ATG4A: variants seen among roughly 807,000 people sequenced by gnomAD.
ATG4A encodes the protein autophagy related 4A cysteine peptidase.
In ATG4A, 22 loss-of-function variants were observed where a neutral mutation model predicts 38.4. The ratio of observed to expected loss-of-function variants is 0.57; its 90% CI spans 0.41 to 0.82. The LOEUF (loss-of-function observed/expected upper bound fraction) is 0.82. Among genes scored for constraint, ATG4A ranks in the 40% least tolerant of loss-of-function variants. The pLI is 0.00. For synonymous variants in ATG4A, 86 were observed against 100.7 expected (o/e 0.85, Z 0.88); for missense variants, 220 against 290.0 (o/e 0.76, Z 1.75).
At chrX:108,150,770 T>A (rs1262383892) in intron 10 of ATG4A, among the ~76,000 whole-genome samples, 1 of 112,116 alleles carries the variant, frequency 8.9e-6, no homozygotes, top group Non-Finnish European at 1.9e-5. Context: ...GATTCAGTTA[T>A]CTCTACCTGG....
intron 9 of ATG4A, among the ~76,000 whole-genome samples, chrX:108,140,558 C>T (rs776721723): frequency 2.9e-5 from 3 of 104,950 alleles, no homozygotes; most frequent in Non-Finnish European, 3.9e-5. Context: ...TATACACACA[C>T]ACACACACAC....
intron 9 of ATG4A, among the ~76,000 whole-genome samples, chrX:108,141,071 CATATATATATAT>C (rs139918190): frequency 4.6e-4 from 16 of 35,051 alleles, no homozygotes; most frequent in South Asian, 1.6e-3. Flanking sequence ...TATATATATA[CATATATATATAT>C]ATATATATAT....
rs2032501024 is a variant in ATG4A, at chrX:108,116,029, A to G, written c.11-10048A>G. On this transcript the variant is annotated intron_variant, in intron 1 of 12. Coordinates refer to ENST00000372232, the MANE Select transcript of ATG4A (RefSeq NM_052936.5). ...GTGTCTGCTACATACGGTGCACATC[A>G]GGGATGAGGAGCCCTTTAATTGCAA... Among the ~76,000 whole-genome samples, 8 of 112,184 alleles carry G rather than the reference A, an allele frequency of 7.1e-5. No homozygotes were observed. The South Asian group carries it at 3.0e-3, about 42-fold the overall frequency.
chrX:108,131,142 C>T (rs991885381), intron 3 of ATG4A, 118 bp from the exon 4 acceptor site: 5 of 630,935 alleles, frequency 7.9e-6, no homozygotes, highest in Non-Finnish European at 1.3e-5. Context: ...GTGTATCTGT[C>T]ACCTCACTTT....
intron 9 of ATG4A, among the ~76,000 whole-genome samples, chrX:108,138,809 G>A (rs2033167555): frequency 8.9e-6 from 1 of 111,983 alleles, no homozygotes; most frequent in South Asian, 3.8e-4. Context: ...TGAAGCTTTA[G>A]CATGCACATG....
At chrX:108,093,516 G>T (rs909118956) in intron 1 of ATG4A, among the ~76,000 whole-genome samples, 3 of 111,978 alleles carry the variant, frequency 2.7e-5, no homozygotes, top group Non-Finnish European at 5.6e-5. Context: ...GACTAGTGCT[G>T]CTAAGAAGAT....
At chrX:108,147,802 A>G (rs767621200) in intron 9 of ATG4A, among the ~76,000 whole-genome samples, 43 of 109,300 alleles carry the variant, frequency 3.9e-4, no homozygotes, top group African/African-American at 1.4e-3. Flanking sequence ...ATTTTGCATA[A>G]CTCTCTAAAC....
chrX:108,139,828 T>C (rs2033190915), intron 9 of ATG4A, among the ~76,000 whole-genome samples: 2 of 111,869 alleles, frequency 1.8e-5, no homozygotes, highest in African/African-American at 6.5e-5. Flanking sequence ...CTGGCAGATT[T>C]GGTGTCTGGT....
At chrX:108,140,391 A>G (rs369370380) in intron 9 of ATG4A, among the ~76,000 whole-genome samples, 5 of 110,218 alleles carry the variant, frequency 4.5e-5, no homozygotes, top group East Asian at 2.8e-4. Context: ...AGTCCCTCTG[A>G]CTCCCCTTTT....
At chrX:108,119,765 C>A (rs1026542784) in intron 1 of ATG4A, among the ~76,000 whole-genome samples, 5 of 111,676 alleles carry the variant, frequency 4.5e-5, no homozygotes, top group African/African-American at 1.6e-4. Context: ...CCTCCTTTTC[C>A]CTTTCCTTTT....
At chrX:108,140,157 G>A (rs2033199806) in intron 9 of ATG4A, among the ~76,000 whole-genome samples, 1 of 111,377 alleles carries the variant, frequency 9.0e-6, no homozygotes, top group Admixed American at 9.6e-5. Context: ...GGGTGCCCTG[G>A]CCTCCCTATC....
intron 9 of ATG4A, chrX:108,143,699 T>C: frequency 4.1e-6 from 1 of 241,258 alleles, no homozygotes; most frequent in Non-Finnish European, 7.8e-6. Context: ...CCTCTGGAAC[T>C]AAGAACTCTA....
At chrX:108,112,038 T>C (rs1046447849) in intron 1 of ATG4A, among the ~76,000 whole-genome samples, 4 of 111,420 alleles carry the variant, frequency 3.6e-5, no homozygotes, top group African/African-American at 1.3e-4. Context: ...TAGGGATATC[T>C]ATTTATGGGG....
At chrX:108,143,416 G>T (rs2033351308) in intron 9 of ATG4A, among the ~76,000 whole-genome samples, 1 of 111,285 alleles carries the variant, frequency 9.0e-6, no homozygotes, top group African/African-American at 3.3e-5. Flanking sequence ...GGATTGGGCT[G>T]TTGTAGTTTC....
At chrX:108,104,124 C>T (rs2032102034) in intron 1 of ATG4A, among the ~76,000 whole-genome samples, 1 of 112,276 alleles carries the variant, frequency 8.9e-6, no homozygotes, top group Admixed American at 9.4e-5. Flanking sequence ...CATGAGCTGC[C>T]GCACCCAGCC....
intron 10 of ATG4A, among the ~76,000 whole-genome samples, chrX:108,151,132 A>T (rs920285814): frequency 8.9e-6 from 1 of 111,883 alleles, no homozygotes; most frequent in African/African-American, 3.3e-5. Flanking sequence ...CTGGGTGCAC[A>T]CAATCTAGGA....
At chrX:108,090,922 C>T (rs1378323367), upstream of ATG4A, among the ~76,000 whole-genome samples, 1 of 111,577 alleles carries the variant, frequency 9.0e-6, no homozygotes, top group Non-Finnish European at 1.9e-5. Context: ...GTTCTGAAAG[C>T]ACCATGTAAA....
At chrX:108,153,209 A>G in intron 12 of ATG4A, 122 bp downstream of exon 12, 1 of 480,833 alleles carries the variant, frequency 2.1e-6, no homozygotes, top group Admixed American at 3.8e-5. Context: ...CTGGAGTGAT[A>G]AAAAAATGGC....
Position 108,119,146 on chromosome X carries a change from G to A in ATG4A, c.11-6931G>A, listed in dbSNP as rs139807834. Among the ~76,000 whole-genome samples, 86 of 111,421 alleles carry A rather than the reference G, an allele frequency of 7.7e-4. No individual in the cohort carries two copies. The East Asian group carries it at 0.021, about 27-fold the overall frequency. ...TCCTAACACCCCATCCTGCCTCCAC[G>A]TACTACAGAACCATAAAAAACTCCT... On this transcript the variant is annotated intron_variant, in intron 1 of 12. Transcript: ENST00000372232.
Sources: gnomAD v4.1 joint callset for allele counts (sites outside exome capture counted in the v4.1 genomes callset) on GRCh38, gnomAD v4.1.1 for gene constraint, MANE v1.5 for transcripts, NCBI Gene and HGNC (gene_info 2026-07-23, HGNC 2026-07-21) for gene names.